Variants in NTM observed in about 807,000 individuals in gnomAD.
The protein encoded by NTM is neurotrimin.
In NTM, 13 loss-of-function variants were observed where a neutral mutation model predicts 42.1. That is an observed-to-expected ratio of 0.31 (90% confidence interval 0.20 to 0.49). The LOEUF is 0.49. Ranked by LOEUF, NTM falls within the 20% of genes least tolerant of loss-of-function variation. The pLI is 0.99. For synonymous variants in NTM, 187 were observed against 179.2 expected (o/e 1.04, Z -0.35); for missense variants, 373 against 452.8 (o/e 0.82, Z 1.60).
Position 132,336,468 on chromosome 11 carries a change from C to T in NTM, c.*1322C>T, listed in dbSNP as rs1045814188. 4.6e-5 allele frequency: 7 copies of T among 152,468 alleles called. No homozygotes were observed. The highest frequency in any genetic ancestry group is 4.1e-4 in the South Asian group (2 of 4,822). 9.4% of individuals were successfully genotyped at this position (152,468 alleles called of 1,614,324 possible). A position where few individuals can be genotyped will look rare whatever the true frequency, so the allele number is the denominator to read the frequency against. ...TGCGCTAGGCCACCCCAGGTGGCCC[C>T]GCTTTCTCCATTCTGCCCTGTGGCG... On this transcript the variant is annotated 3_prime_UTR_variant, in exon 9 of 9. Coordinates refer to ENST00000683400, the MANE Select transcript of NTM (RefSeq NM_001352005.2).
chr11:132,220,444 T>C (rs1013897148), intron 4 of NTM, among the ~76,000 whole-genome samples: 5 of 152,232 alleles, frequency 3.3e-5, no homozygotes, highest in Admixed American at 1.3e-4. Flanking sequence ...ATATTTATGA[T>C]CTGGTTTAAA....
chr11:131,479,142 C>A (rs2136223363), intron 1 of NTM, among the ~76,000 whole-genome samples: 1 of 152,312 alleles, frequency 6.6e-6, no homozygotes, highest in South Asian at 2.1e-4. Context: ...TTTTGAGTAC[C>A]TGCTATATGC....
rs528511269 is a variant in NTM, at chr11:131,943,599, G to A, written c.167+31951G>A. On this transcript the variant is annotated intron_variant, in intron 2 of 8. Transcript: ENST00000683400. Reference sequence around the variant, plus strand: ...TACAGGCTGTCACTTCTACTTCTCCGGCTCGTTTTTTCCCTTCACTCTCTG... The same window carrying A: ...TACAGGCTGTCACTTCTACTTCTCCAGCTCGTTTTTTCCCTTCACTCTCTG... 5.3e-5 allele frequency among the ~76,000 whole-genome samples: 8 copies of A among 152,234 alleles called. No homozygotes were observed. The South Asian group carries it at 8.3e-4, about 16-fold the overall frequency.
rs2069898296 is a variant in NTM at position 132,003,500 on chromosome 11, A to G, written c.167+91852A>G. Among the ~76,000 whole-genome samples the G allele has an allele frequency of 6.6e-6, 1 of 151,860 alleles. No individual in the cohort carries two copies. Reference sequence around the variant, plus strand: ...GGCTCAAGCGATCCTTCTGGCTCAGACCTCCAATGTGCTGGGATTATAAGC... The same window carrying G: ...GGCTCAAGCGATCCTTCTGGCTCAGGCCTCCAATGTGCTGGGATTATAAGC... On this transcript the variant is annotated intron_variant, in intron 2 of 8. Transcript: ENST00000683400. This position sits in a 1 kb window ranked among gnomAD's most constrained non-coding sequence, Gnocchi z 6.0.
intron 2 of NTM, among the ~76,000 whole-genome samples, chr11:131,971,871 C>T (rs992495459): frequency 1.0e-4 from 15 of 148,900 alleles, no homozygotes; most frequent in African/African-American, 2.7e-4. Flanking sequence ...GGTGAAACCC[C>T]GTCTCTACTA....
At chr11:131,937,664 G>A (rs2059368339) in intron 2 of NTM, among the ~76,000 whole-genome samples, 1 of 152,182 alleles carries the variant, frequency 6.6e-6, no homozygotes, top group African/African-American at 2.4e-5. Context: ...CTAAGCACAG[G>A]TGTATTCTAC....
chr11:132,183,414 G>A (rs900922196), intron 3 of NTM, among the ~76,000 whole-genome samples: 16 of 152,080 alleles, frequency 1.1e-4, no homozygotes, highest in Non-Finnish European at 1.0e-4. Flanking sequence ...AGAAACTTTA[G>A]CATGATACCG....
At chr11:132,293,679 T>G (rs2094526170) in intron 4 of NTM, among the ~76,000 whole-genome samples, 1 of 151,936 alleles carries the variant, frequency 6.6e-6, no homozygotes, top group African/African-American at 2.4e-5. Context: ...ATGTAAGGTT[T>G]TTTTTTTTTC....
In NTM at chr11:131,593,011, T is replaced by C. The variant is rs571821097; in HGVS notation, c.82+222123T>C. Among the ~76,000 whole-genome samples the C allele has an allele frequency of 2.0e-4, 31 of 152,370 alleles. 1 individual carries two copies. The highest frequency in any genetic ancestry group is 1.8e-3 in the Admixed American group (27 of 15,302). On this transcript the variant is annotated intron_variant, in intron 1 of 8. Coordinates refer to ENST00000683400, the MANE Select transcript of NTM (RefSeq NM_001352005.2). ...TGTCATTTGTAATTTTCTCTTGTCC[T>C]GTTCTCCCTGCACACTCCCTTGCCT...
At chr11:132,249,344 C>T (rs2091652560) in intron 4 of NTM, among the ~76,000 whole-genome samples, 1 of 152,078 alleles carries the variant, frequency 6.6e-6, no homozygotes, top group Non-Finnish European at 1.5e-5. Context: ...TGATCACTTC[C>T]TTCTTGAATT....
intron 2 of NTM, among the ~76,000 whole-genome samples, chr11:132,028,476 T>C (rs908683850): frequency 6.6e-6 from 1 of 152,190 alleles, no homozygotes; most frequent in African/African-American, 2.4e-5. Flanking sequence ...AAATTTATTT[T>C]CAAATACCAT....
chr11:131,426,832 A>G (rs1277376348), intron 1 of NTM, among the ~76,000 whole-genome samples: 1 of 152,060 alleles, frequency 6.6e-6, no homozygotes, highest in African/African-American at 2.4e-5. Context: ...AGTGGAGTAA[A>G]TTGAGTTCAC....
intron 2 of NTM, among the ~76,000 whole-genome samples, chr11:132,097,143 C>T (rs939315136): frequency 2.6e-5 from 4 of 152,212 alleles, no homozygotes; most frequent in African/African-American, 9.7e-5. Context: ...ATTTAGGTTA[C>T]AGAGAGGCTG....
At chr11:131,982,429 G>T (rs956631062) in intron 2 of NTM, among the ~76,000 whole-genome samples, 2 of 152,142 alleles carry the variant, frequency 1.3e-5, no homozygotes, top group African/African-American at 4.8e-5. Flanking sequence ...GGAATGGAGA[G>T]ACACGAGAGG....
chr11:132,053,288 C>G (rs912972346), intron 2 of NTM, among the ~76,000 whole-genome samples: 3 of 152,184 alleles, frequency 2.0e-5, no homozygotes, highest in African/African-American at 7.2e-5. Flanking sequence ...TACCCGATGC[C>G]AGGGCCTGAC....
chr11:132,186,431 C>T (rs1266932557), intron 3 of NTM, among the ~76,000 whole-genome samples: 3 of 152,212 alleles, frequency 2.0e-5, no homozygotes, highest in Non-Finnish European at 4.4e-5. Flanking sequence ...ATCTCTAACG[C>T]AGCCTTCTCT....
chr11:132,076,043 C>T lies in NTM; in HGVS notation c.168-70239C>T, dbSNP rs140820580. 1.2e-3 allele frequency among the ~76,000 whole-genome samples: 177 copies of T among 152,282 alleles called. 1 individual carries two copies. The East Asian group carries it at 0.022, about 19-fold the overall frequency. The stretch of plus-strand genomic sequence containing the variant: ...ATACAATAGTATTGATTACTCCATA[C>T]ATTTCATGCTAAATAGCTGTATTAA... On this transcript the variant is annotated intron_variant, in intron 2 of 8. Coordinates refer to ENST00000683400, the MANE Select transcript of NTM (RefSeq NM_001352005.2).
At chr11:131,962,290 A>G (rs2062280494) in intron 2 of NTM, among the ~76,000 whole-genome samples, 1 of 152,326 alleles carries the variant, frequency 6.6e-6, no homozygotes, top group East Asian at 1.9e-4. Context: ...CATGCCAATA[A>G]GCAAGGCACA....
chr11:132,117,498 G>T (rs1164347104), intron 2 of NTM, among the ~76,000 whole-genome samples: 2 of 152,148 alleles, frequency 1.3e-5, no homozygotes, highest in Non-Finnish European at 2.9e-5. Context: ...TTGACAAAGG[G>T]CTTTGAAATA....
Sources: gnomAD v4.1 joint callset for allele counts (sites outside exome capture counted in the v4.1 genomes callset) on GRCh38, gnomAD v4.1.1 for gene constraint, Gnocchi (gnomAD v3.1) non-coding constraint, MANE v1.5 for transcripts, NCBI Gene and HGNC (gene_info 2026-07-23, HGNC 2026-07-21) for gene names.